The following GRID2 variants were observed in gnomAD, a reference collection of about 807,000 sequenced individuals.
GRID2 encodes glutamate receptor ionotropic, delta-2.
A neutral mutation model predicts 114.8 loss-of-function variants in GRID2; 33 were observed. The ratio of observed to expected loss-of-function variants is 0.29; its 90% confidence interval spans 0.22 to 0.38. GRID2 has a LOEUF of 0.38. GRID2 is among the 10% of genes least tolerant of loss of function. The pLI, the probability that GRID2 is intolerant of heterozygous loss-of-function variation, is 1.00. For synonymous variants in GRID2, 505 were observed against 449.9 expected (o/e 1.12, Z -1.55); for missense variants, 1,184 against 1,257.7 (o/e 0.94, Z 0.89).
intron 14 of GRID2, among the ~76,000 whole-genome samples, chr4:93,725,698 C>T (rs1053060546): frequency 4.0e-5 from 6 of 151,192 alleles, no homozygotes; most frequent in African/African-American, 7.4e-5. Flanking sequence ...GATGGTATCT[C>T]ATTGTGGTTT....
rs534977243 is a variant in GRID2 at position 92,921,193 on chromosome 4, G to T, written c.245-163802G>T. ...TGTAGTTCTCATGCCATGGTTTTCA[G>T]CTTCATCAGGTCCTTTAAGGACTTC... On this transcript the variant is annotated intron_variant, in intron 2 of 15. Coordinates refer to ENST00000282020, the MANE Select transcript of GRID2 (RefSeq NM_001510.4). Among the ~76,000 whole-genome samples, 167 of 152,192 alleles carry T rather than the reference G, an allele frequency of 1.1e-3. 1 individual carries two copies. The highest frequency in any genetic ancestry group is 3.9e-3 in the African/African-American group (164 of 41,520).
chr4:93,408,549 C>T (rs184930961), intron 9 of GRID2, among the ~76,000 whole-genome samples: 93 of 151,906 alleles, frequency 6.1e-4, no homozygotes, highest in African/African-American at 2.1e-3. Flanking sequence ...TAGGAATCTC[C>T]GTTTAATTTT....
At chr4:93,294,655 T>C (rs898112180) in intron 8 of GRID2, among the ~76,000 whole-genome samples, 1 of 152,090 alleles carries the variant, frequency 6.6e-6, no homozygotes, top group Non-Finnish European at 1.5e-5. Flanking sequence ...ACCTCTCAGG[T>C]TCAAACAATT....
intron 2 of GRID2, among the ~76,000 whole-genome samples, chr4:93,076,994 T>C (rs1468311089): frequency 6.6e-6 from 1 of 152,182 alleles, no homozygotes; most frequent in African/African-American, 2.4e-5. Context: ...CAGTCTTTTA[T>C]TGATGACCTT....
At chr4:93,768,016 G>A (rs1263313903) in intron 14 of GRID2, among the ~76,000 whole-genome samples, 2 of 152,204 alleles carry the variant, frequency 1.3e-5, no homozygotes, top group Admixed American at 1.3e-4. Context: ...TGACCCAGGA[G>A]CACAGGGCTC....
At chr4:92,872,041 A>T (rs905030526) in intron 2 of GRID2, among the ~76,000 whole-genome samples, 2 of 152,032 alleles carry the variant, frequency 1.3e-5, no homozygotes, top group African/African-American at 4.8e-5. Flanking sequence ...GTTTGTGCTT[A>T]TTTGTGTACA....
chr4:93,496,599 C>G (rs1057404242), intron 12 of GRID2, among the ~76,000 whole-genome samples: 3 of 151,714 alleles, frequency 2.0e-5, no homozygotes, highest in African/African-American at 7.3e-5. Flanking sequence ...TTTTGCGTTT[C>G]AAGAGTGTAA....
chr4:92,783,382 T>C (rs910610354), intron 2 of GRID2, among the ~76,000 whole-genome samples: 1 of 152,070 alleles, frequency 6.6e-6, no homozygotes, highest in African/African-American at 2.4e-5. Context: ...TCAGAGAATG[T>C]TGTATTGTTT....
intron 2 of GRID2, among the ~76,000 whole-genome samples, chr4:92,946,041 C>G (rs1347529797): frequency 6.6e-6 from 1 of 152,062 alleles, no homozygotes; most frequent in Non-Finnish European, 1.5e-5. Flanking sequence ...TAGCTTATAG[C>G]TCTTAAAACT....
chr4:93,547,473 A>G (rs1733332898), intron 13 of GRID2, among the ~76,000 whole-genome samples: 1 of 152,242 alleles, frequency 6.6e-6, no homozygotes, highest in African/African-American at 2.4e-5. Context: ...TGTATAATTC[A>G]CAGAAGGACC....
intron 8 of GRID2, among the ~76,000 whole-genome samples, chr4:93,370,491 GCACA>G (rs1213170752): frequency 0.011 from 1,493 of 138,184 alleles, 22 homozygotes; most frequent in African/African-American, 0.039. Flanking sequence ...ACACACACAC[GCACA>G]CACACACACA....
chr4:93,783,387 TTCC>T (rs1734521064), intron 1 of GRID2, among the ~76,000 whole-genome samples: 1 of 152,226 alleles, frequency 6.6e-6, no homozygotes, highest in African/African-American at 2.4e-5. Context: ...TCCATGTGCT[TTCC>T]TCCTCAATGG....
chr4:92,830,530 A>T, intron 2 of GRID2, among the ~76,000 whole-genome samples: 1 of 152,240 alleles, frequency 6.6e-6, no homozygotes, highest in South Asian at 2.1e-4. Context: ...TTATTTAAGC[A>T]TACTATTATT....
At chr4:92,671,336 A>C (rs747075739) in intron 2 of GRID2, among the ~76,000 whole-genome samples, 1 of 152,104 alleles carries the variant, frequency 6.6e-6, no homozygotes, top group Admixed American at 6.6e-5. Context: ...AACACTTGGG[A>C]TCACAATTCA....
intron 11 of GRID2, among the ~76,000 whole-genome samples, chr4:93,470,180 A>G (rs1306769449): frequency 2.0e-5 from 3 of 152,104 alleles, no homozygotes; most frequent in Admixed American, 6.5e-5. Context: ...ATAATGTAAG[A>G]TATTGAATCT....
rs1755511143 is a variant in GRID2, at chr4:93,307,118, TGGGG to T, written c.1245+68629_1245+68632del. ...GGCTGGGGCAGGAGAATTGCTTGAA[TGGGG>T]ACCCGGGAGGTGGATGTTGCAGTGA... On this transcript the variant is annotated intron_variant, in intron 8 of 15. Coordinates refer to ENST00000282020, the MANE Select transcript of GRID2 (RefSeq NM_001510.4). 4.7e-5 allele frequency among the ~76,000 whole-genome samples: 7 copies of T among 149,886 alleles called. No homozygotes were observed. The South Asian group carries it at 1.5e-3, about 31-fold the overall frequency.
rs575276526 is a variant in GRID2 at position 92,594,861 on chromosome 4, T to C, written c.244+4575T>C. ...CTGTCGTTTCTGAAAGCAGTACTTA[T>C]TGTTTATATTGTTAGCTCTTAGCTG... On this transcript the variant is annotated intron_variant, in intron 2 of 15. Coordinates refer to ENST00000282020, the MANE Select transcript of GRID2 (RefSeq NM_001510.4). 2.6e-4 allele frequency among the ~76,000 whole-genome samples: 39 copies of C among 152,156 alleles called. No individual in the cohort carries two copies. The South Asian group carries it at 7.9e-3, about 31-fold the overall frequency.
At chr4:93,290,076 T>C (rs1407237485) in intron 8 of GRID2, among the ~76,000 whole-genome samples, 2 of 152,180 alleles carry the variant, frequency 1.3e-5, no homozygotes, top group African/African-American at 2.4e-5. Flanking sequence ...TTTGTCTTCA[T>C]AAAGAATATA....
intron 1 of GRID2, among the ~76,000 whole-genome samples, chr4:92,379,164 A>G (rs1729498466): frequency 6.6e-6 from 1 of 151,986 alleles, no homozygotes; most frequent in African/African-American, 2.4e-5. Flanking sequence ...ATGTACTTGT[A>G]TGATTATTGG....
Sources: gnomAD v4.1 joint callset for allele counts (sites outside exome capture counted in the v4.1 genomes callset) on GRCh38, gnomAD v4.1.1 for gene constraint, MANE v1.5 for transcripts, NCBI Gene and HGNC (gene_info 2026-07-23, HGNC 2026-07-21) for gene names.